STK38: variants seen among roughly 807,000 people sequenced by gnomAD.
STK38 encodes serine/threonine kinase 38, also known as serine/threonine-protein kinase 38.
Under a neutral mutation model 59.0 loss-of-function variants are expected in STK38, and 26 were observed. The ratio of observed to expected loss-of-function variants is 0.44; its 90% CI spans 0.32 to 0.61. The LOEUF (loss-of-function observed/expected upper bound fraction) is 0.61, where lower values mean the gene tolerates loss of function less well. STK38 is among the 20% of genes least tolerant of loss of function. The pLI is 0.04. For missense variants in STK38, 433 were observed against 566.0 expected (o/e 0.76, Z 2.38); for synonymous variants, 175 against 176.6 (o/e 0.99, Z 0.07).
chr6:36,515,300 G>C (rs372571913), intron 7 of STK38, 38 bp downstream of exon 7: 1 of 1,605,278 alleles, frequency 6.2e-7, no homozygotes, highest in Non-Finnish European at 8.5e-7. Flanking sequence ...GCTCAGATCA[G>C]TAAACGTGCA....
At chr6:36,531,069 T>C (rs958394541) in intron 2 of STK38, among the ~76,000 whole-genome samples, 13 of 152,222 alleles carry the variant, frequency 8.5e-5, no homozygotes, top group Non-Finnish European at 2.9e-5. Flanking sequence ...TGGTTTGATA[T>C]CTGGTCAGTG....
chr6:36,509,432 A>C (rs1777049669), intron 7 of STK38, among the ~76,000 whole-genome samples: 1 of 152,236 alleles, frequency 6.6e-6, no homozygotes, highest in African/African-American at 2.4e-5. Flanking sequence ...GGGAAGTTTT[A>C]CAAAAGCTTC....
At chr6:36,547,016 G>A (rs556850858) in intron 1 of STK38, among the ~76,000 whole-genome samples, 174 bp downstream of exon 1, 1 of 152,286 alleles carries the variant, frequency 6.6e-6, no homozygotes, top group Admixed American at 6.5e-5. Context: ...GGAGACGGGG[G>A]AAGAAGGGGG....
chr6:36,544,411 C>T lies in STK38; in HGVS notation c.-6+2779G>A, dbSNP rs186079456. Among the ~76,000 whole-genome samples the T allele has an allele frequency of 4.5e-4, 69 of 152,048 alleles. 1 individual carries two copies. The highest frequency in any genetic ancestry group is 4.2e-3 in the South Asian group (20 of 4,816). ...TTCCTTATTTGTCAGCCTGTACCCC[C>T]CCCTCCACCCACAATGAAAACCACA... On this transcript the variant is annotated intron_variant, in intron 1 of 13. Transcript: ENST00000229812.
chr6:36,526,088 T>C (rs1777503690), intron 2 of STK38, among the ~76,000 whole-genome samples: 1 of 152,138 alleles, frequency 6.6e-6, no homozygotes, highest in Non-Finnish European at 1.5e-5. Flanking sequence ...AGCCTGACCT[T>C]CCAAAGTGTT....
intron 2 of STK38, among the ~76,000 whole-genome samples, chr6:36,532,538 G>A (rs1415251051): frequency 6.6e-6 from 1 of 152,122 alleles, no homozygotes; most frequent in Non-Finnish European, 1.5e-5. Flanking sequence ...CACTTTGGGA[G>A]GCCAAGGCGG....
intron 1 of STK38, among the ~76,000 whole-genome samples, chr6:36,544,530 T>C (rs1190099174): frequency 6.6e-6 from 1 of 152,150 alleles, no homozygotes; most frequent in Non-Finnish European, 1.5e-5. Context: ...TGTCTGAAAA[T>C]TCCTGAAGAA....
intron 7 of STK38, among the ~76,000 whole-genome samples, chr6:36,512,785 C>T (rs1349272830): frequency 6.6e-5 from 10 of 151,738 alleles, no homozygotes. Context: ...CTCAGCCTCC[C>T]GAGTAGCTGG....
chr6:36,528,194 C>G (rs1441751542), intron 2 of STK38, among the ~76,000 whole-genome samples: 1 of 152,004 alleles, frequency 6.6e-6, no homozygotes. Flanking sequence ...AAATGCCACA[C>G]CAAGAAGGTT....
At chr6:36,498,573 T>TC (rs1475036179) in intron 10 of STK38, 87 bp from the exon 11 acceptor site, 2 of 1,387,508 alleles carry the variant, frequency 1.4e-6, no homozygotes, top group East Asian at 2.5e-5. Flanking sequence ...ATTCTATGTC[T>TC]TTTTTTTTCT....
chr6:36,528,203 T>C (rs3819760), intron 2 of STK38, among the ~76,000 whole-genome samples: 36,696 of 151,742 alleles, frequency 0.24, 4,699 homozygotes, highest in East Asian at 0.37. Flanking sequence ...ACCAAGAAGG[T>C]TGGATCTCAT....
intron 2 of STK38, among the ~76,000 whole-genome samples, chr6:36,527,207 A>AAAAAAAAAAAAAAAT (rs60162863): frequency 1.7e-5 from 2 of 119,356 alleles, no homozygotes; most frequent in African/African-American, 7.0e-5. Flanking sequence ...AAAAAAAAAA[A>AAAAAAAAAAAAAAAT]ATATATGTAT....
intron 1 of STK38, among the ~76,000 whole-genome samples, chr6:36,545,152 G>A (rs946557847): frequency 4.0e-5 from 6 of 151,690 alleles, no homozygotes; most frequent in Admixed American, 6.6e-5. Flanking sequence ...AATTAGCCGG[G>A]TGTGGTGGTG....
chr6:36,504,898 CAAA>C (rs562032331), intron 9 of STK38, among the ~76,000 whole-genome samples: 370 of 64,064 alleles, frequency 5.8e-3, no homozygotes, highest in East Asian at 0.013. Context: ...TCCTGGCCTC[CAAA>C]AAAAAAAAAA....
chr6:36,500,744 G>GTC (rs905221567), intron 9 of STK38, among the ~76,000 whole-genome samples: 6 of 126,622 alleles, frequency 4.7e-5, no homozygotes, highest in Non-Finnish European at 7.9e-5. Context: ...TGGCGACAGA[G>GTC]TGAGACTCTG....
intron 2 of STK38, among the ~76,000 whole-genome samples, chr6:36,539,342 T>C (rs943190049): frequency 4.7e-5 from 7 of 149,564 alleles, no homozygotes; most frequent in Non-Finnish European, 5.9e-5. Context: ...GCTGAGATCA[T>C]GCCATTGCAC....
At chr6:36,497,002 T>A (rs1299164237) in intron 12 of STK38, among the ~76,000 whole-genome samples, 197 bp from the exon 13 acceptor site, 2 of 152,150 alleles carry the variant, frequency 1.3e-5, no homozygotes, top group South Asian at 2.1e-4. Flanking sequence ...ATTATGATTT[T>A]AAAAAAATAA....
chr6:36,509,963 C>T lies in STK38; in HGVS notation c.670-2361G>A, dbSNP rs546426365. ...TATGGGTTTCAAAAGAGAGAAAGTA[C>T]GTGCTGATTGGTCCACAGGTGGCCA... On this transcript the variant is annotated intron_variant, in intron 7 of 13. Coordinates refer to ENST00000229812, the MANE Select transcript of STK38 (RefSeq NM_007271.4). 1.1e-4 allele frequency among the ~76,000 whole-genome samples: 17 copies of T among 152,314 alleles called. No homozygotes were observed. In the South Asian group the frequency reaches 1.2e-3, roughly 11 times the overall value.
chr6:36,531,016 C>G (rs774050084), intron 2 of STK38, among the ~76,000 whole-genome samples: 7 of 152,152 alleles, frequency 4.6e-5, no homozygotes, highest in Non-Finnish European at 8.8e-5. Flanking sequence ...TAACACTACA[C>G]AGATTCTTTA....
Sources: gnomAD v4.1 joint callset for allele counts (sites outside exome capture counted in the v4.1 genomes callset) on GRCh38, gnomAD v4.1.1 for gene constraint, MANE v1.5 for transcripts, NCBI Gene and HGNC (gene_info 2026-07-23, HGNC 2026-07-21) for gene names.